Variants in PPP2R5A observed in about 807,000 individuals in gnomAD.
PPP2R5A encodes serine/threonine-protein phosphatase 2A 56 kDa regulatory subunit alpha isoform.
A neutral mutation model predicts 64.2 loss-of-function variants in PPP2R5A; 25 were observed. The observed-to-expected ratio is 0.39, with a 90% CI of 0.28 to 0.54. The LOEUF is 0.54. Among genes scored for constraint, PPP2R5A ranks in the 20% least tolerant of loss-of-function variants. The probability of loss-of-function intolerance (pLI) is 0.67; values close to 1 mark genes in which losing one functional copy is unlikely to be tolerated. For missense variants in PPP2R5A, 425 were observed against 576.3 expected, an observed-to-expected ratio of 0.74 and a Z score of 2.69; for synonymous variants, 198 against 201.2, an observed-to-expected ratio of 0.98 and a Z score of 0.13.
At chr1:212,320,556 C>T (rs1014850259) in intron 1 of PPP2R5A, among the ~76,000 whole-genome samples, 9 of 148,614 alleles carry the variant, frequency 6.1e-5, no homozygotes, top group African/African-American at 1.0e-4. Context: ...CCAGACGGGG[C>T]GGCTGTCCGG....
chr1:212,292,671 C>T (rs1658622060), intron 1 of PPP2R5A, among the ~76,000 whole-genome samples: 1 of 152,162 alleles, frequency 6.6e-6, no homozygotes, highest in Admixed American at 6.5e-5. Context: ...CTTCTGGGCT[C>T]AGGCAATTGT....
At chr1:212,297,840 T>C (rs1400765879) in intron 1 of PPP2R5A, 1 of 17,138 alleles carries the variant, frequency 5.8e-5, no homozygotes, top group Admixed American at 5.2e-4. Context: ...TTATTTTTAT[T>C]GATCATTCTT....
chr1:212,348,384 T>A lies in PPP2R5A; in HGVS notation c.765-5T>A. On this transcript the variant is annotated splice_region_variant and splice_polypyrimidine_tract_variant and intron_variant, in intron 6 of 12. Transcript: ENST00000261461. ...AACCCTTCCCCTGCCTTTTTTTCCC[T>A]CCAGTATTATCAATGGCTTTGCATT... The A allele has an allele frequency of 6.3e-7, 1 of 1,583,760 alleles. No homozygotes were observed. The highest frequency in any genetic ancestry group is 8.7e-7 in the Non-Finnish European group (1 of 1,153,966).
chr1:212,352,388 C>T (rs945598602), intron 8 of PPP2R5A, among the ~76,000 whole-genome samples: 1 of 151,630 alleles, frequency 6.6e-6, no homozygotes, highest in Non-Finnish European at 1.5e-5. Flanking sequence ...CAATACTGCC[C>T]GACATTGAAA....
intron 2 of PPP2R5A, among the ~76,000 whole-genome samples, chr1:212,333,196 CCT>C (rs1176177351): frequency 6.6e-6 from 1 of 152,140 alleles, no homozygotes; most frequent in Admixed American, 6.6e-5. Flanking sequence ...AGCCACTTCG[CCT>C]GGCCCCCTCT....
chr1:212,341,684 T>C (rs1659687886), intron 3 of PPP2R5A, among the ~76,000 whole-genome samples: 1 of 152,196 alleles, frequency 6.6e-6, no homozygotes, highest in African/African-American at 2.4e-5. Context: ...TCAAAGTTTA[T>C]CAGCTTAGGA....
intron 1 of PPP2R5A, among the ~76,000 whole-genome samples, chr1:212,299,814 CTT>C (rs59480144): frequency 3.5e-4 from 49 of 141,718 alleles, no homozygotes; most frequent in Admixed American, 3.5e-4. Context: ...CTTCATAAGA[CTT>C]TTTTTTTTTT....
At chr1:212,338,022 C>CAAG (rs1183779791) in intron 3 of PPP2R5A, among the ~76,000 whole-genome samples, 1 of 152,136 alleles carries the variant, frequency 6.6e-6, no homozygotes, top group Non-Finnish European at 1.5e-5. Context: ...TGAAAGCAGC[C>CAAG]TCTTAGGTAC....
intron 2 of PPP2R5A, chr1:212,331,661 A>T (rs987524047): frequency 1.3e-5 from 2 of 152,202 alleles, no homozygotes; most frequent in African/African-American, 4.8e-5. Context: ...TACTGATTTC[A>T]AATGGCTTAT....
rs757975093 is a variant in PPP2R5A at position 212,358,806 on chromosome 1, T to C, written c.1328+19T>C. 19 of 1,571,450 alleles carry C rather than the reference T, an allele frequency of 1.2e-5. No homozygotes were observed. The highest frequency in any genetic ancestry group is 1.6e-5 in the Non-Finnish European group (18 of 1,142,876). ...GACAGAGGTATTTGATATTTTGAAT[T>C]ACAAAATTATCTATACATTTTATGT... is the stretch of plus-strand genomic sequence containing the variant. On this transcript the variant is annotated intron_variant, in intron 12 of 12. Transcript: ENST00000261461.
At chr1:212,303,564 T>C (rs1658838761) in intron 1 of PPP2R5A, among the ~76,000 whole-genome samples, 1 of 152,214 alleles carries the variant, frequency 6.6e-6, no homozygotes. Context: ...CTAAATTCTC[T>C]TTTTTCTTGT....
chr1:212,288,157 C>T (rs1658539676), intron 1 of PPP2R5A, among the ~76,000 whole-genome samples: 1 of 152,190 alleles, frequency 6.6e-6, no homozygotes, highest in African/African-American at 2.4e-5. Context: ...GCTGGGATTA[C>T]AGGCATGTGT....
intron 5 of PPP2R5A, among the ~76,000 whole-genome samples, 171 bp downstream of exon 5, chr1:212,346,104 C>T (rs1571607377): frequency 6.6e-6 from 1 of 152,176 alleles, no homozygotes; most frequent in Middle Eastern, 3.4e-3. Flanking sequence ...CAGACTCAAG[C>T]AATCTTCCTC....
chr1:212,329,490 T>C (rs1056663848), intron 2 of PPP2R5A, among the ~76,000 whole-genome samples, 159 bp downstream of exon 2: 1 of 152,152 alleles, frequency 6.6e-6, no homozygotes, highest in Non-Finnish European at 1.5e-5. Context: ...ATACCATCAT[T>C]GCATATACAA....
rs1479947614 is a variant in PPP2R5A at position 212,286,094 on chromosome 1, G to A, written c.-17G>A. 1.3e-6 allele frequency: 2 copies of A among 1,538,746 alleles called. No individual in the cohort carries two copies. Among genetic ancestry groups the A allele is most frequent in the African/African-American group, 1.4e-5 (1 of 70,978 alleles). ...TGCAAGCAGCAGCCGGAGCTGCCAA[G>A]CGTCAGGGCCGCGGAGATGTCGTCG... is the stretch of plus-strand genomic sequence containing the variant. On this transcript the variant is annotated 5_prime_UTR_variant, in exon 1 of 13. Coordinates refer to ENST00000261461, the MANE Select transcript of PPP2R5A (RefSeq NM_006243.4).
At chr1:212,342,524 T>C (rs1206675350) in intron 4 of PPP2R5A, among the ~76,000 whole-genome samples, 1 of 152,200 alleles carries the variant, frequency 6.6e-6, no homozygotes, top group African/African-American at 2.4e-5. Context: ...ATCATAGTTA[T>C]TTTATAAATA....
intron 4 of PPP2R5A, among the ~76,000 whole-genome samples, chr1:212,343,792 T>C (rs1237487324): frequency 6.6e-6 from 1 of 152,230 alleles, no homozygotes; most frequent in Non-Finnish European, 1.5e-5. Context: ...TTGTATTTAA[T>C]ACAGTAACAG....
chr1:212,301,230 C>T (rs1365994182), intron 1 of PPP2R5A, among the ~76,000 whole-genome samples: 2 of 152,158 alleles, frequency 1.3e-5, no homozygotes, highest in Middle Eastern at 3.2e-3. Context: ...AGCTTGGTCT[C>T]GAACTCCTGG....
intron 1 of PPP2R5A, among the ~76,000 whole-genome samples, chr1:212,316,454 C>T (rs1165840103): frequency 6.6e-6 from 1 of 152,134 alleles, no homozygotes; most frequent in Non-Finnish European, 1.5e-5. Context: ...TCCTGAACCT[C>T]TGTACTTAAT....
Sources: allele counts gnomAD v4.1 joint callset (sites outside exome capture counted in the v4.1 genomes callset), GRCh38; gene constraint gnomAD v4.1.1; transcripts MANE v1.5; gene names NCBI Gene and HGNC (gene_info 2026-07-23, HGNC 2026-07-21).